The following ALDH1L1 variants were observed in gnomAD, a reference collection of about 807,000 sequenced individuals.
ALDH1L1 encodes aldehyde dehydrogenase 1 family member L1, also known as cytosolic 10-formyltetrahydrofolate dehydrogenase.
Under a neutral mutation model 101.1 loss-of-function variants are expected in ALDH1L1, and 68 were observed. The observed-to-expected ratio is 0.67, with a 90% CI of 0.55 to 0.82. ALDH1L1 has a LOEUF of 0.82. ALDH1L1 is among the 40% of genes least tolerant of loss of function. The pLI is 0.00. For synonymous variants in ALDH1L1, 486 were observed against 470.8 expected (o/e 1.03, Z -0.42); for missense variants, 1,087 against 1,172.7 (o/e 0.93, Z 1.07).
chr3:126,122,890 A>G (rs967156796), intron 16 of ALDH1L1, among the ~76,000 whole-genome samples: 2 of 152,266 alleles, frequency 1.3e-5, no homozygotes, highest in East Asian at 1.9e-4. Flanking sequence ...AAAGTAGTAC[A>G]GCAGGAGAAA....
chr3:126,155,534 G>T (rs1253431300), intron 4 of ALDH1L1, 31 bp from the exon 5 acceptor site: 1 of 1,588,180 alleles, frequency 6.3e-7, no homozygotes, highest in South Asian at 1.2e-5. Context: ...GCTATCCCCA[G>T]CAATAGGACC....
intron 1 of ALDH1L1, among the ~76,000 whole-genome samples, chr3:126,188,417 T>C (rs2081533592): frequency 6.6e-6 from 1 of 152,206 alleles, no homozygotes; most frequent in African/African-American, 2.4e-5. Context: ...ACCAATGCCT[T>C]GCAGATACCG....
At chr3:126,114,518 C>G in intron 18 of ALDH1L1, 39 bp downstream of exon 18, 1 of 1,449,284 alleles carries the variant, frequency 6.9e-7, no homozygotes, top group Non-Finnish European at 9.2e-7. Context: ...GTCCCTGTTC[C>G]CGCTCACTGT....
upstream of ALDH1L1, among the ~76,000 whole-genome samples, chr3:126,186,237 A>T (rs2364368): frequency 0.35 from 53,470 of 152,160 alleles, 10,210 homozygotes; most frequent in Middle Eastern, 0.48. Flanking sequence ...ATCAGTTTCC[A>T]TCAGCCATCA....
chr3:126,138,053 G>A, intron 9 of ALDH1L1, 93 bp from the exon 10 acceptor site: 1 of 1,508,980 alleles, frequency 6.6e-7, no homozygotes, highest in Non-Finnish European at 9.0e-7. Context: ...ACACCCCAGA[G>A]AGGCTCCATC....
chr3:126,177,036 A>T (rs2081375428), intron 1 of ALDH1L1, among the ~76,000 whole-genome samples: 1 of 152,244 alleles, frequency 6.6e-6, no homozygotes, highest in South Asian at 2.1e-4. Flanking sequence ...TAGAAGAGTT[A>T]AATTAAGAGC....
At chr3:126,130,466 C>T (rs1045617393) in intron 13 of ALDH1L1, among the ~76,000 whole-genome samples, 173 bp from the exon 14 acceptor site, 1 of 152,244 alleles carries the variant, frequency 6.6e-6, no homozygotes, top group African/African-American at 2.4e-5. Context: ...GTGTTTGCTC[C>T]ACTCTGAGCC....
chr3:126,131,321 A>C, intron 13 of ALDH1L1, 63 bp downstream of exon 13: 1 of 1,483,780 alleles, frequency 6.7e-7, no homozygotes, highest in Non-Finnish European at 9.1e-7. Flanking sequence ...CTGCCCTTGG[A>C]GTTCTCCTAT....
At chr3:126,180,346 G>T in intron 1 of ALDH1L1, 130 bp downstream of exon 1, 1 of 675,166 alleles carries the variant, frequency 1.5e-6, no homozygotes, top group Non-Finnish European at 1.8e-6. Flanking sequence ...AAGTTGATGG[G>T]CCCCGCAGGA....
chr3:126,150,456 T>TG lies in ALDH1L1; in HGVS notation c.933dup (p.Ser312GlnfsTer4), dbSNP rs2080786034. 1 of 1,551,536 alleles carries TG rather than the reference T, an allele frequency of 6.4e-7. No individual in the cohort carries two copies. On this transcript the variant is annotated frameshift_variant, in exon 8 of 23. Coordinates refer to ENST00000393434, the MANE Select transcript of ALDH1L1 (RefSeq NM_012190.4). LOFTEE classifies it high-confidence loss of function. ...TCTGCCTCTGTCAGCTCAAGGACACTGCTGGCTGCCCCCTTAAAGAAGTTC... is the reference window on the plus strand; with the variant it reads ...TCTGCCTCTGTCAGCTCAAGGACACTGGCTGGCTGCCCCCTTAAAGAAGTTC...
At chr3:126,172,459 T>C (rs1323245514) in intron 1 of ALDH1L1, among the ~76,000 whole-genome samples, 4 of 151,910 alleles carry the variant, frequency 2.6e-5, no homozygotes, top group African/African-American at 9.7e-5. Flanking sequence ...GGTTTATCAA[T>C]AGACTGGATA....
In ALDH1L1 at chr3:126,103,752, A is replaced by C. The variant is rs771677232; in HGVS notation, c.*39T>G. 6.2e-7 allele frequency: 1 copy of C among 1,605,822 alleles called. No homozygotes were observed. The stretch of plus-strand genomic sequence containing the variant: ...CAAGAGGGAGGGGGCCCCAGCCACG[A>C]GGGAGGGGCAGGGACTTTCTTCTCA... On this transcript the variant is annotated 3_prime_UTR_variant, in exon 23 of 23. Transcript: ENST00000393434.
upstream of ALDH1L1, chr3:126,180,825 G>C: frequency 6.5e-7 from 1 of 1,539,778 alleles, no homozygotes; most frequent in East Asian, 2.4e-5. Flanking sequence ...AATTCCCAGG[G>C]CTTTGAAAAG....
intron 1 of ALDH1L1, chr3:126,179,597 G>T (rs1341721337): frequency 6.6e-6 from 1 of 152,254 alleles, no homozygotes; most frequent in Non-Finnish European, 1.5e-5. Flanking sequence ...ATCTTGGGAG[G>T]CAGGCACTAC....
intron 17 of ALDH1L1, among the ~76,000 whole-genome samples, chr3:126,116,320 T>C (rs980391548): frequency 6.6e-6 from 1 of 151,928 alleles, no homozygotes; most frequent in Admixed American, 6.6e-5. Context: ...TCGGCTCATT[T>C]AGCTTCCGTG....
At chr3:126,127,161 C>G (rs530383747) in intron 14 of ALDH1L1, among the ~76,000 whole-genome samples, 5 of 152,144 alleles carry the variant, frequency 3.3e-5, no homozygotes, top group African/African-American at 1.2e-4. Context: ...CCCGAACTGA[C>G]GCCCACACTC....
At chr3:126,183,255 G>T (rs1166913987), upstream of ALDH1L1, among the ~76,000 whole-genome samples, 3 of 152,230 alleles carry the variant, frequency 2.0e-5, no homozygotes, top group Non-Finnish European at 4.4e-5. Flanking sequence ...AAAGAGATGT[G>T]TGGGTTTGAC....
At chr3:126,131,792 T>C (rs2080314658) in intron 12 of ALDH1L1, among the ~76,000 whole-genome samples, 1 of 152,256 alleles carries the variant, frequency 6.6e-6, no homozygotes. Flanking sequence ...TATTTGTGGA[T>C]CCACTACTTT....
intron 1 of ALDH1L1, among the ~76,000 whole-genome samples, chr3:126,176,619 C>G (rs1402832893): frequency 4.6e-5 from 7 of 152,154 alleles, no homozygotes; most frequent in Non-Finnish European, 7.4e-5. Flanking sequence ...TATCTGTACA[C>G]TGATGTTTAC....
Sources: allele counts gnomAD v4.1 joint callset (sites outside exome capture counted in the v4.1 genomes callset), GRCh38; gene constraint gnomAD v4.1.1; transcripts MANE v1.5; gene names NCBI Gene and HGNC (gene_info 2026-07-23, HGNC 2026-07-21).